ZNF385D: variants seen among roughly 807,000 people sequenced by gnomAD.
The protein encoded by ZNF385D is zinc finger protein 659.
Under a neutral mutation model 35.8 loss-of-function variants are expected in ZNF385D, and 15 were observed. The ratio of observed to expected loss-of-function variants is 0.42; its 90% confidence interval spans 0.28 to 0.64. ZNF385D has a LOEUF of 0.64. Ranked by LOEUF, ZNF385D falls within the 30% of genes least tolerant of loss-of-function variation. The pLI is 0.23. For missense variants in ZNF385D, 474 were observed against 494.6 expected (o/e 0.96, Z 0.39); for synonymous variants, 212 against 186.8 (o/e 1.13, Z -1.10).
At chr3:21,960,407 A>G (rs564688574) in intron 3 of ZNF385D, among the ~76,000 whole-genome samples, 2 of 152,188 alleles carry the variant, frequency 1.3e-5, no homozygotes, top group East Asian at 3.9e-4. Context: ...CCCCAGTTAG[A>G]ATGGCTATTA....
intron 3 of ZNF385D, among the ~76,000 whole-genome samples, chr3:21,988,018 A>G (rs1275336664): frequency 6.9e-6 from 1 of 145,052 alleles, no homozygotes; most frequent in Admixed American, 6.8e-5. Context: ...TTTCAGCTCC[A>G]TCAGCTCCTT....
At chr3:21,607,026 A>G (rs2125779051) in intron 2 of ZNF385D, among the ~76,000 whole-genome samples, 1 of 152,300 alleles carries the variant, frequency 6.6e-6, no homozygotes, top group Admixed American at 6.5e-5. Context: ...GTCTCCTAAT[A>G]ACAATTCCTC....
At chr3:21,768,999 G>T (rs1215250173) in intron 3 of ZNF385D, among the ~76,000 whole-genome samples, 1 of 151,520 alleles carries the variant, frequency 6.6e-6, no homozygotes, top group Non-Finnish European at 1.5e-5. Context: ...ACAAAAACCG[G>T]GATTGTTATA....
intron 2 of ZNF385D, among the ~76,000 whole-genome samples, chr3:22,344,425 T>G (rs543864248): frequency 6.6e-6 from 1 of 152,260 alleles, no homozygotes; most frequent in South Asian, 2.1e-4. Context: ...CTCCTCGCTC[T>G]GTCACCCAAG....
intron 3 of ZNF385D, among the ~76,000 whole-genome samples, chr3:21,883,834 A>C (rs1698401809): frequency 6.6e-6 from 1 of 152,070 alleles, no homozygotes. Context: ...TCAGCAGCTA[A>C]TGTAGACTGA....
intron 3 of ZNF385D, among the ~76,000 whole-genome samples, chr3:21,966,898 C>A (rs2125331105): frequency 6.6e-6 from 1 of 152,318 alleles, no homozygotes; most frequent in African/African-American, 2.4e-5. Flanking sequence ...GCCACAGCCC[C>A]TGGCCTAGCA....
At chr3:22,181,795 T>C (rs1206915882) in intron 2 of ZNF385D, among the ~76,000 whole-genome samples, 1 of 152,154 alleles carries the variant, frequency 6.6e-6, no homozygotes, top group Non-Finnish European at 1.5e-5. Context: ...TAGACTCTCC[T>C]TCACTAGCTT....
At chr3:22,196,791 A>G (rs936356113) in intron 2 of ZNF385D, among the ~76,000 whole-genome samples, 3 of 152,050 alleles carry the variant, frequency 2.0e-5, no homozygotes, top group East Asian at 1.9e-4. Flanking sequence ...TTTACTACAC[A>G]TTCACCATTT....
At chr3:21,981,717 T>C (rs905932519) in intron 3 of ZNF385D, among the ~76,000 whole-genome samples, 4 of 152,218 alleles carry the variant, frequency 2.6e-5, no homozygotes, top group Non-Finnish European at 5.9e-5. Flanking sequence ...AAGTATTCAA[T>C]TCATCTTGAG....
At chr3:21,508,366 T>C (rs554693815) in intron 4 of ZNF385D, among the ~76,000 whole-genome samples, 73 of 152,280 alleles carry the variant, frequency 4.8e-4, no homozygotes, top group African/African-American at 1.6e-3. Flanking sequence ...AAATTTATTA[T>C]GCCAAGGGGT....
chr3:21,742,492 G>C (rs2069563991), intron 1 of ZNF385D, among the ~76,000 whole-genome samples: 1 of 152,224 alleles, frequency 6.6e-6, no homozygotes, highest in South Asian at 2.1e-4. Flanking sequence ...CTTCCTCTAA[G>C]CTACAGACGT....
At chr3:21,905,907 T>C (rs528682021) in intron 3 of ZNF385D, among the ~76,000 whole-genome samples, 1 of 152,256 alleles carries the variant, frequency 6.6e-6, no homozygotes, top group South Asian at 2.1e-4. Flanking sequence ...TTAATTGTTG[T>C]TTTAAAAAAG....
chr3:21,695,876 T>C (rs1411597282), intron 1 of ZNF385D, among the ~76,000 whole-genome samples: 2 of 152,126 alleles, frequency 1.3e-5, no homozygotes, highest in Non-Finnish European at 2.9e-5. Context: ...TTAATAAGAA[T>C]GGTATTTAAT....
intron 3 of ZNF385D, among the ~76,000 whole-genome samples, chr3:22,116,230 G>A (rs776968500): frequency 1.3e-5 from 2 of 151,904 alleles, no homozygotes; most frequent in African/African-American, 2.4e-5. Flanking sequence ...ATTCTCTCCT[G>A]AATCTATTTT....
intron 1 of ZNF385D, among the ~76,000 whole-genome samples, chr3:21,741,936 T>C (rs375005052): frequency 2.6e-5 from 4 of 152,174 alleles, no homozygotes; most frequent in Non-Finnish European, 5.9e-5. Flanking sequence ...CTAAGGTATA[T>C]TGAAACCACA....
chr3:21,574,108 A>G (rs925645720), intron 2 of ZNF385D, among the ~76,000 whole-genome samples: 1 of 151,766 alleles, frequency 6.6e-6, no homozygotes, highest in East Asian at 1.9e-4. Flanking sequence ...GAAAGAATGT[A>G]TCTAGGCAGT....
At chr3:21,691,237 T>C (rs1319364296) in intron 1 of ZNF385D, among the ~76,000 whole-genome samples, 1 of 152,196 alleles carries the variant, frequency 6.6e-6, no homozygotes, top group Admixed American at 6.5e-5. Flanking sequence ...CAAGTACTGC[T>C]AGAGAAAATG....
intron 3 of ZNF385D, among the ~76,000 whole-genome samples, chr3:21,766,001 G>A (rs2070815261): frequency 6.6e-6 from 1 of 151,978 alleles, no homozygotes; most frequent in South Asian, 2.1e-4. Context: ...CCAGCTTTTT[G>A]ACTACATGTA....
intron 3 of ZNF385D, among the ~76,000 whole-genome samples, chr3:22,068,117 T>G (rs1331955059): frequency 6.6e-6 from 1 of 152,216 alleles, no homozygotes; most frequent in Non-Finnish European, 1.5e-5. Flanking sequence ...AATTTAAAAT[T>G]CAGTAACTTT....
Sources: gnomAD v4.1 joint callset for allele counts (sites outside exome capture counted in the v4.1 genomes callset) on GRCh38, gnomAD v4.1.1 for gene constraint, MANE v1.5 for transcripts, NCBI Gene and HGNC (gene_info 2026-07-23, HGNC 2026-07-21) for gene names.